LTF: variants seen among roughly 807,000 people sequenced by gnomAD.
LTF encodes the protein epididymis luminal protein 110.
LTF carries 91 observed loss-of-function variants against 87.2 expected under a neutral mutation model. The observed-to-expected ratio is 1.04, with a 90% CI of 0.88 to 1.24. The LOEUF (loss-of-function observed/expected upper bound fraction) is 1.24. Among genes scored for constraint, LTF ranks in the 50% most tolerant of loss-of-function variants. The probability of loss-of-function intolerance (pLI) is 0.00; values close to 1 mark genes in which losing one functional copy is unlikely to be tolerated. For missense variants in LTF, 901 were observed against 904.3 expected, an observed-to-expected ratio of 1.00 and a Z score of 0.05; for synonymous variants, 378 against 356.1, an observed-to-expected ratio of 1.06 and a Z score of -0.69.
rs1702373811 is a variant in LTF, at chr3:46,435,871, G to A, written c.*324C>T. ...CTGGCCTTAAATTCCAGACCCTTGG[G>A]CATCATACCCAAGACTGCAAGAAAG... On this transcript the variant is annotated 3_prime_UTR_variant, in exon 17 of 17. Coordinates refer to ENST00000231751, the MANE Select transcript of LTF (RefSeq NM_002343.6). The A allele has an allele frequency of 2.7e-6, 1 of 372,846 alleles. No homozygotes were observed. Among genetic ancestry groups the A allele is most frequent in the Admixed American group, 4.3e-5 (1 of 23,416 alleles). The allele number at this position is 372,846 out of a possible 1,614,324, so 23.1% of individuals were successfully genotyped here.
chr3:46,437,861 C>G (rs1702421904), intron 16 of LTF, 79 bp downstream of exon 16: 1 of 1,091,394 alleles, frequency 9.2e-7, no homozygotes, highest in Non-Finnish European at 1.4e-6. Context: ...TGTGTTCGTT[C>G]CTAGAATGCT....
upstream of LTF, chr3:46,468,361 T>C (rs905784325): frequency 2.2e-6 from 1 of 456,194 alleles, no homozygotes; most frequent in African/African-American, 2.0e-5. Flanking sequence ...GCTGAGACAG[T>C]AACATGAGTT....
intron 1 of LTF, among the ~76,000 whole-genome samples, chr3:46,461,835 C>CA (rs998882633): frequency 9.2e-5 from 14 of 152,172 alleles, no homozygotes; most frequent in South Asian, 2.1e-4. Flanking sequence ...AACAAACAAA[C>CA]AAAAAAACAA....
intron 4 of LTF, 85 bp downstream of exon 4, chr3:46,455,711 C>T: frequency 2.1e-6 from 3 of 1,431,180 alleles, no homozygotes; most frequent in African/African-American, 2.9e-5. Flanking sequence ...CCCACACTTT[C>T]ACCTGCATGA....
At chr3:46,452,165 A>G (rs1702818384) in intron 6 of LTF, among the ~76,000 whole-genome samples, 1 of 152,266 alleles carries the variant, frequency 6.6e-6, no homozygotes, top group South Asian at 2.1e-4. Context: ...AACTACTCAG[A>G]GGAGTAACAA....
In LTF at chr3:46,439,466, C is replaced by A. The variant is rs757373669; in HGVS notation, c.1738G>T (p.Ala580Ser). The A allele has an allele frequency of 2.5e-6, 4 of 1,608,610 alleles. No homozygotes were observed. The highest frequency in any genetic ancestry group is 3.4e-6 in the Non-Finnish European group (4 of 1,177,296). ...LQNTDGNNNEAWAKDLKLADF... is the reference protein window; with the variant it reads ...LQNTDGNNNESWAKDLKLADF... ...GCCAGCTTCAAATCCTTAGCCCATG[C>A]CTCATTGTTATTTCCTGGGGAGAAA... The change falls in exon 15 of 17, where the codon GCA (alanine) becomes TCA (serine). Residue 580 changes from alanine to serine, a missense_variant. Coordinates refer to ENST00000231751, the MANE Select transcript of LTF (RefSeq NM_002343.6).
At chr3:46,447,974 G>A (rs1423424157) in intron 9 of LTF, among the ~76,000 whole-genome samples, 1 of 152,116 alleles carries the variant, frequency 6.6e-6, no homozygotes, top group Non-Finnish European at 1.5e-5. Flanking sequence ...GCTCACCACA[G>A]GGTTATTGAT....
At chr3:46,469,194 G>A (rs904487163), upstream of LTF, among the ~76,000 whole-genome samples, 15 of 152,204 alleles carry the variant, frequency 9.9e-5, no homozygotes, top group African/African-American at 1.4e-4. Context: ...TCTGAGTGTC[G>A]CCTGAGGTCA....
At position 46,438,859 on chromosome 3, in the gene LTF, T is replaced by C. The variant is rs142790044; in HGVS notation, c.1908+437A>G. On this transcript the variant is annotated intron_variant, in intron 15 of 16. Coordinates refer to ENST00000231751, the MANE Select transcript of LTF (RefSeq NM_002343.6). ...TCACATTTAGAGAGCCCTAAATCTATAGGGCACCTTCTGAGTTTGCTGTTT... is the reference window on the plus strand; with the variant it reads ...TCACATTTAGAGAGCCCTAAATCTACAGGGCACCTTCTGAGTTTGCTGTTT... Among the ~76,000 whole-genome samples the C allele has an allele frequency of 8.3e-3, 1,270 of 152,348 alleles. 14 individuals are homozygous for C. The highest frequency in any genetic ancestry group is 0.029 in the African/African-American group (1,209 of 41,566).
intron 1 of LTF, among the ~76,000 whole-genome samples, chr3:46,472,875 A>G (rs1703311836): frequency 6.6e-6 from 1 of 152,078 alleles, no homozygotes; most frequent in Non-Finnish European, 1.5e-5. Context: ...TGTCTTCTTC[A>G]TCCCTCTCTG....
In LTF at chr3:46,450,617, T is replaced by C; in HGVS notation, c.760A>G (p.Thr254Ala). 3 of 1,613,940 alleles carry C rather than the reference T, an allele frequency of 1.9e-6. No individual in the cohort carries two copies. The highest frequency in any genetic ancestry group is 2.5e-6 in the Non-Finnish European group (3 of 1,179,998). The change falls in exon 7 of 17, where the codon ACT becomes GCT. Residue 254 changes from threonine (T) to alanine (A), a missense_variant. Thr to Ala is a moderately conservative substitution (Grantham distance 58). Transcript: ENST00000231751. Reference protein sequence around the residue: ...DEYELLCPDNTRKPVDKFKDC... With the variant: ...DEYELLCPDNARKPVDKFKDC... Reference sequence around the variant, plus strand: ...TTGAACTTGTCCACTGGCTTCCGAGTGTTGTCTGGGCAGAGTAACTCATAC... The same window carrying C: ...TTGAACTTGTCCACTGGCTTCCGAGCGTTGTCTGGGCAGAGTAACTCATAC...
chr3:46,444,479 C>T (rs1357766602), intron 12 of LTF, among the ~76,000 whole-genome samples: 1 of 152,166 alleles, frequency 6.6e-6, no homozygotes, highest in South Asian at 2.1e-4. Flanking sequence ...ACTGAGCAAA[C>T]GTCACCCATT....
chr3:46,454,382 G>A (rs771035506), intron 5 of LTF, 22 bp from the exon 6 acceptor site: 2 of 1,612,080 alleles, frequency 1.2e-6, no homozygotes, highest in Admixed American at 3.3e-5. Flanking sequence ...GAAACCATCA[G>A]GGGTAAGCAC....
In LTF at chr3:46,436,060, G is replaced by C; in HGVS notation, c.*135C>G. 1.3e-6 allele frequency: 1 copy of C among 786,170 alleles called. No individual in the cohort carries two copies. The highest frequency in any genetic ancestry group is 2.2e-6 in the Non-Finnish European group (1 of 456,310). The allele number at this position is 786,170 out of a possible 1,614,324, so 48.7% of individuals were successfully genotyped here. On this transcript the variant is annotated 3_prime_UTR_variant, in exon 17 of 17. Transcript: ENST00000231751. ...TTTACTTCTTGCTAAGACGACAGCA[G>C]GGAATTGTAAGCAGATGGATGGGCA...
At chr3:46,481,158 C>T (rs1703425835) in intron 1 of LTF, among the ~76,000 whole-genome samples, 1 of 152,302 alleles carries the variant, frequency 6.6e-6, no homozygotes, top group South Asian at 2.1e-4. Flanking sequence ...CCTTTGTGAC[C>T]TCTTCCATCC....
intron 1 of LTF, among the ~76,000 whole-genome samples, chr3:46,474,735 G>T (rs1410974132): frequency 1.3e-5 from 2 of 152,080 alleles, no homozygotes; most frequent in Non-Finnish European, 2.9e-5. Flanking sequence ...TTTAAAAATT[G>T]AAATCATAAA....
In LTF at chr3:46,455,380, G is replaced by A; in HGVS notation, c.562C>T (p.Leu188=). 1 of 1,614,260 alleles carries A rather than the reference G, an allele frequency of 6.2e-7. No homozygotes were observed. Among genetic ancestry groups the A allele is most frequent in the Non-Finnish European group, 8.5e-7 (1 of 1,180,046 alleles). The change falls in exon 5 of 17, where the codon CTG becomes TTG. Residue 188 remains leucine (L), a synonymous_variant. Transcript: ENST00000231751. ...PGADKGQFPN[L]CRLCAGTGEN... ...CCTGTCCCCGCACACAGGCGACACA[G>A]GTTGGGGAACTGTCCTTTATCTGCA... is the stretch of plus-strand genomic sequence containing the variant.
At chr3:46,475,825 G>T (rs879731967) in intron 1 of LTF, among the ~76,000 whole-genome samples, 4 of 152,108 alleles carry the variant, frequency 2.6e-5, no homozygotes, top group Non-Finnish European at 5.9e-5. Flanking sequence ...TTCAAAAACC[G>T]CTTATGCCTC....
intron 1 of LTF, among the ~76,000 whole-genome samples, chr3:46,480,333 C>A (rs979208061): frequency 6.6e-6 from 1 of 152,164 alleles, no homozygotes; most frequent in Non-Finnish European, 1.5e-5. Context: ...CTCACATTTC[C>A]AGAGTTTGGA....
Sources: gnomAD v4.1 joint callset for allele counts (sites outside exome capture counted in the v4.1 genomes callset) on GRCh38, gnomAD v4.1.1 for gene constraint, MANE v1.5 for transcripts, NCBI Gene and HGNC (gene_info 2026-07-23, HGNC 2026-07-21) for gene names.